Variants in MYO3A observed in about 807,000 individuals in gnomAD.
MYO3A encodes myosin IIIA.
MYO3A carries 180 observed loss-of-function variants against 192.7 expected under a neutral mutation model. That is an observed-to-expected ratio of 0.93 (90% CI 0.83 to 1.06). MYO3A has a LOEUF of 1.06. Among genes scored for constraint, MYO3A ranks in the 50% least tolerant of loss-of-function variants. The pLI, the probability that MYO3A is intolerant of heterozygous loss-of-function variation, is 0.00. For synonymous variants in MYO3A, 628 were observed against 645.3 expected, an observed-to-expected ratio of 0.97 and a Z score of 0.41; for missense variants, 1,896 against 1,905.0, an observed-to-expected ratio of 1.00 and a Z score of 0.09.
intron 34 of MYO3A, among the ~76,000 whole-genome samples, chr10:26,205,566 G>A (rs547067814): frequency 1.4e-5 from 2 of 141,612 alleles, no homozygotes; most frequent in South Asian, 4.6e-4. Flanking sequence ...TGTCCTCCAG[G>A]TTCACTCGTG....
intron 29 of MYO3A, among the ~76,000 whole-genome samples, chr10:26,172,334 G>C (rs370199609): frequency 1.3e-5 from 2 of 152,212 alleles, no homozygotes; most frequent in South Asian, 2.1e-4. Flanking sequence ...GGCCGGCAGG[G>C]CTCTCCAGCA....
intron 17 of MYO3A, among the ~76,000 whole-genome samples, chr10:26,111,106 G>A (rs1387247071): frequency 6.6e-6 from 1 of 152,036 alleles, no homozygotes; most frequent in East Asian, 1.9e-4. Flanking sequence ...GGCCTTAAGT[G>A]ATCCTCCTGC....
At chr10:26,127,189 G>A (rs1839266803) in intron 19 of MYO3A, among the ~76,000 whole-genome samples, 1 of 152,056 alleles carries the variant, frequency 6.6e-6, no homozygotes, top group South Asian at 2.1e-4. Context: ...ATTTCTATAT[G>A]CCCACGAAAA....
chr10:26,096,682 G>C lies in MYO3A; in HGVS notation c.1776G>C (p.Glu592Asp). 6.4e-7 allele frequency: 1 copy of C among 1,552,588 alleles called. No individual in the cohort carries two copies. Among genetic ancestry groups the C allele is most frequent in the Admixed American group, 1.7e-5 (1 of 59,910 alleles). Residue 592 changes from glutamate (E) to aspartate (D), a missense_variant and splice_region_variant, in exon 17 of 35, where the codon GAG becomes GAC. Coordinates refer to ENST00000642920, the MANE Select transcript of MYO3A (RefSeq NM_017433.5). Reference sequence around the variant, plus strand: ...TCAAAGTCATAGGTTTTACAATGGAGGTAAGTATGAAAGACACTTGAACTT... The same window carrying C: ...TCAAAGTCATAGGTTTTACAATGGACGTAAGTATGAAAGACACTTGAACTT... ...QCFKVIGFTM[E>D]QLGSIYSILA...
chr10:26,116,333 T>C (rs999355622), intron 17 of MYO3A, among the ~76,000 whole-genome samples: 1 of 152,176 alleles, frequency 6.6e-6, no homozygotes, highest in Non-Finnish European at 1.5e-5. Flanking sequence ...TCACCCCATC[T>C]CCACCTAAAT....
chr10:25,998,169 T>G lies in MYO3A; in HGVS notation c.508+911T>G, dbSNP rs570474434. Among the ~76,000 whole-genome samples the G allele has an allele frequency of 4.6e-5, 7 of 152,346 alleles. No homozygotes were observed. In the East Asian group the frequency reaches 1.4e-3, roughly 29 times the overall value. On this transcript the variant is annotated intron_variant, in intron 6 of 34. Coordinates refer to ENST00000642920, the MANE Select transcript of MYO3A (RefSeq NM_017433.5). Reference sequence around the variant, plus strand: ...AGTCTTTGAGAAGTGGGACTGTGTCTTAGTCTATTTCGTAGACCTAATGCT... The same window carrying G: ...AGTCTTTGAGAAGTGGGACTGTGTCGTAGTCTATTTCGTAGACCTAATGCT...
At chr10:26,070,926 C>T (rs1182412321) in intron 14 of MYO3A, among the ~76,000 whole-genome samples, 1 of 152,014 alleles carries the variant, frequency 6.6e-6, no homozygotes, top group Admixed American at 6.6e-5. Flanking sequence ...AGAGATATAA[C>T]ATGATCATGG....
intron 2 of MYO3A, among the ~76,000 whole-genome samples, chr10:25,941,869 G>A (rs191154378): frequency 5.0e-4 from 76 of 152,148 alleles, no homozygotes; most frequent in African/African-American, 1.8e-3. Context: ...TTCCCTTTGC[G>A]ACTGGCTTAT....
chr10:25,939,288 T>G (rs960394861), intron 2 of MYO3A, among the ~76,000 whole-genome samples: 1 of 151,886 alleles, frequency 6.6e-6, no homozygotes, highest in Non-Finnish European at 1.5e-5. Context: ...ATCTCCCTAT[T>G]TAAAAAAAAT....
chr10:26,188,723 G>A (rs1842979420), intron 31 of MYO3A, among the ~76,000 whole-genome samples: 1 of 152,144 alleles, frequency 6.6e-6, no homozygotes, highest in Non-Finnish European at 1.5e-5. Flanking sequence ...AGTTTTCCCA[G>A]CACCATTTAT....
rs1297162635 is a variant in MYO3A at position 26,168,809 on chromosome 10, T to G, written c.3209T>G (p.Leu1070Trp). 1.9e-6 allele frequency: 3 copies of G among 1,613,196 alleles called. No homozygotes were observed. In the South Asian group the frequency reaches 3.3e-5, roughly 18 times the overall value. The change falls in exon 28 of 35, where the codon TTG becomes TGG. Residue 1070 changes from leucine to tryptophan, a missense_variant. Physicochemically the swap from Leu to Trp is moderately conservative, Grantham distance 61. Transcript: ENST00000642920. ...ATTCAAGCTTGTGTCAGAGCATTCT[T>G]GTGTTCAAGAAGATACCAAAAAATA... ...ILIQACVRAF[L>W]CSRRYQKIQE...
intron 2 of MYO3A, among the ~76,000 whole-genome samples, chr10:25,945,234 CATA>C (rs529707138): frequency 5.8e-4 from 75 of 128,724 alleles, no homozygotes; most frequent in African/African-American, 2.4e-3. Context: ...GGATATTTAG[CATA>C]GCATGTTTTC....
At position 26,154,749 on chromosome 10, in the gene MYO3A, G is replaced by A. The variant is rs727503325; in HGVS notation, c.2719G>A (p.Asp907Asn). The A allele has an allele frequency of 6.2e-6, 10 of 1,613,576 alleles. No individual in the cohort carries two copies. The highest frequency in any genetic ancestry group is 4.4e-5 in the South Asian group (4 of 91,030). ...CTGTCTTCCTTGGTCTCCTTAGGGC[G>A]ACACTGGAGAAGCCACACGTCATGC... ...SEKLINLAKG[D>N]TGEATRHARE... The change falls in exon 25 of 35, where the codon GAC (aspartate) becomes AAC (asparagine). Residue 907 changes from aspartate (D) to asparagine (N), a missense_variant. Asp to Asn is a conservative substitution (Grantham distance 23, BLOSUM62 1). Coordinates refer to ENST00000642920, the MANE Select transcript of MYO3A (RefSeq NM_017433.5).
At chr10:26,140,746 A>G (rs1454405099) in intron 20 of MYO3A, among the ~76,000 whole-genome samples, 2 of 152,000 alleles carry the variant, frequency 1.3e-5, no homozygotes, top group African/African-American at 4.8e-5. Flanking sequence ...GGGATTTCCT[A>G]ACATCTAAAT....
At chr10:26,074,241 A>G (rs1322369554) in intron 14 of MYO3A, among the ~76,000 whole-genome samples, 2 of 152,186 alleles carry the variant, frequency 1.3e-5, no homozygotes, top group Non-Finnish European at 2.9e-5. Flanking sequence ...TAATCTCTCT[A>G]TAAAAGAGTG....
At position 26,070,313 on chromosome 10, in the gene MYO3A, T is replaced by C. The variant is rs142877629; in HGVS notation, c.1276-5T>C. 5 of 1,612,886 alleles carry C rather than the reference T, an allele frequency of 3.1e-6. No individual in the cohort carries two copies. The East Asian group carries it at 8.9e-5, about 29-fold the overall frequency. ...TCTTCTCACAGTTTTCTTTTCTATG[T>C]ATAGTGCATTGTTATTTCTGGAGAA... On this transcript the variant is annotated splice_polypyrimidine_tract_variant and splice_region_variant and intron_variant, in intron 13 of 34. Transcript: ENST00000642920.
chr10:26,180,877 CAT>C (rs1226556044), intron 31 of MYO3A, among the ~76,000 whole-genome samples: 1 of 151,958 alleles, frequency 6.6e-6, no homozygotes, highest in East Asian at 1.9e-4. Context: ...AAAAAAATTG[CAT>C]TCAAAATCTC....
At chr10:26,134,600 G>T (rs1332467137) in intron 20 of MYO3A, among the ~76,000 whole-genome samples, 1 of 152,194 alleles carries the variant, frequency 6.6e-6, no homozygotes, top group East Asian at 1.9e-4. Flanking sequence ...CATGTAAAGG[G>T]TACACAGGAG....
intron 17 of MYO3A, among the ~76,000 whole-genome samples, chr10:26,110,638 T>C (rs1038248764): frequency 1.1e-4 from 17 of 152,120 alleles, no homozygotes; most frequent in African/African-American, 4.1e-4. Context: ...AGTTGAACAA[T>C]TGAGAGATCA....
Sources: gnomAD v4.1 joint callset for allele counts (sites outside exome capture counted in the v4.1 genomes callset) on GRCh38, gnomAD v4.1.1 for gene constraint, MANE v1.5 for transcripts, NCBI Gene and HGNC (gene_info 2026-07-23, HGNC 2026-07-21) for gene names.